The following RASSF7 variants were observed in gnomAD, a reference collection of about 807,000 sequenced individuals.
RASSF7 encodes the protein ras association domain-containing protein 7.
RASSF7 carries 41 observed loss-of-function variants against 33.8 expected under a neutral mutation model. That is an observed-to-expected ratio of 1.21 (90% confidence interval 0.95 to 1.57). The LOEUF (loss-of-function observed/expected upper bound fraction) is 1.57, where lower values mean the gene tolerates loss of function less well. RASSF7 is among the 40% of genes most tolerant of loss of function. RASSF7 has a pLI of 0.00. For missense variants in RASSF7, 622 were observed against 497.0 expected (o/e 1.25, Z -2.39); for synonymous variants, 298 against 212.8 (o/e 1.40, Z -3.48).
rs754720196 is a variant in RASSF7, at chr11:562,301, C to T, written c.347C>T (p.Pro116Leu). ...ATTCGTGCCAGCCTCCCTGTAAAGC[C>T]ACGGGCTGCGCTGGGCTGTGAGCCC... ...CLIRASLPVK[P>L]RAALGCEPRK... Residue 116 changes from proline to leucine, a missense_variant, in exon 3 of 6, where the codon CCA becomes CTA. Physicochemically the swap from Pro to Leu is moderately conservative, Grantham distance 98. Coordinates refer to ENST00000397583, the MANE Select transcript of RASSF7 (RefSeq NM_003475.4). 5.0e-6 allele frequency: 8 copies of T among 1,612,556 alleles called. No homozygotes were observed. The highest frequency in any genetic ancestry group is 6.8e-6 in the Non-Finnish European group (8 of 1,179,930).
rs570136957 is a variant in RASSF7, at chr11:562,534, C to T, written c.580C>T (p.Gln194Ter). 2.6e-6 allele frequency: 4 copies of T among 1,548,490 alleles called. No homozygotes were observed. Among genetic ancestry groups the T allele is most frequent in the Non-Finnish European group, 1.7e-6 (2 of 1,146,846 alleles). ...GGAGCGAGAGGGACAGGCACGCCTG[C>T]AGGCACTAAGTGCGGCCACTGCTGA... ...AREREGQARL[Q>*]ALSAATAEHA... is the part of the protein sequence containing the mutation. The change falls in exon 3 of 6, where the codon CAG becomes TAG. Residue 194 changes from glutamine to a stop codon, truncating the protein, a stop_gained. Coordinates refer to ENST00000397583, the MANE Select transcript of RASSF7 (RefSeq NM_003475.4). LOFTEE classifies it high-confidence loss of function.
Position 561,133 on chromosome 11 carries a change from C to T in RASSF7, c.-352C>T. Reference sequence around the variant, plus strand: ...GGGAGAGTTTTCCGCGATGCCCGGACGGAGAGCGGGGGCGGCGCCGCACCT... The same window carrying T: ...GGGAGAGTTTTCCGCGATGCCCGGATGGAGAGCGGGGGCGGCGCCGCACCT... On this transcript the variant is annotated 5_prime_UTR_variant, in exon 1 of 6. It adds an upstream start codon to the 5' untranslated region. Transcript: ENST00000397583. 1 of 984,924 alleles carries T rather than the reference C, an allele frequency of 1.0e-6. No homozygotes were observed. The highest frequency in any genetic ancestry group is 1.2e-6 in the Non-Finnish European group (1 of 829,818). The allele number at this position is 984,924 out of a possible 1,614,324, so 61.0% of individuals were successfully genotyped here. A position where few individuals can be genotyped will look rare whatever the true frequency, so the allele number is the denominator to read the frequency against.
At position 563,654 on chromosome 11, in the gene RASSF7, T is replaced by C; in HGVS notation, c.*9T>C. ...AGCCCCAGGCTCTGTGACAGCCTAG[T>C]GAGGGCTGCAAGACCATCCTGCCCG... On this transcript the variant is annotated 3_prime_UTR_variant, in exon 6 of 6. Coordinates refer to ENST00000397583, the MANE Select transcript of RASSF7 (RefSeq NM_003475.4). 6.2e-7 allele frequency: 1 copy of C among 1,604,212 alleles called. No individual in the cohort carries two copies. The highest frequency in any genetic ancestry group is 8.5e-7 in the Non-Finnish European group (1 of 1,177,592).
rs1367217996 is a variant in RASSF7 at position 563,440 on chromosome 11, C to G, written c.996C>G (p.Pro332=). The change falls in exon 5 of 6, where the codon CCC becomes CCG. Residue 332 remains proline, a synonymous_variant. Transcript: ENST00000397583. ...PAREESLLGA[P]SESHAGAQPR... ...GAGAGGAGTCCCTCCTGGGCGCTCC[C>G]TCTGAGTCCCATGCTGGTGCCCAGC... 3 of 1,611,748 alleles carry G rather than the reference C, an allele frequency of 1.9e-6. No individual in the cohort carries two copies. The highest frequency in any genetic ancestry group is 2.2e-5 in the East Asian group (1 of 44,828).
Position 563,462 on chromosome 11 carries a change from C to A in RASSF7, c.1018C>A (p.Gln340Lys). The A allele has an allele frequency of 6.2e-7, 1 of 1,611,050 alleles. No homozygotes were observed. Among genetic ancestry groups the A allele is most frequent in the East Asian group, 2.2e-5 (1 of 44,818 alleles). The change falls in exon 5 of 6, where the codon CAG becomes AAG. Residue 340 changes from glutamine to lysine, a missense_variant. By Grantham distance (53) the Gln-to-Lys change is moderately conservative. Transcript: ENST00000397583. ...TCCCTCTGAGTCCCATGCTGGTGCC[C>A]AGCCTAGGCCCCGAGGGTATGTCTG... Reference protein sequence around the residue: ...GAPSESHAGAQPRPRGGPHDA... With the variant: ...GAPSESHAGAKPRPRGGPHDA...
At chr11:561,705 A>G in intron 1 of RASSF7, 57 bp from the exon 2 acceptor site, 4 of 1,605,878 alleles carry the variant, frequency 2.5e-6, no homozygotes, top group East Asian at 2.2e-5. Flanking sequence ...GGAGAGGAGG[A>G]CCAGCCTGCG....
At position 562,424 on chromosome 11, in the gene RASSF7, G is replaced by T. The variant is rs528974630; in HGVS notation, c.470G>T (p.Gly157Val). 6.4e-7 allele frequency: 1 copy of T among 1,555,532 alleles called. No individual in the cohort carries two copies. The change falls in exon 3 of 6, where the codon GGC (glycine) becomes GTC (valine). Residue 157 changes from glycine to valine, a missense_variant. Transcript: ENST00000397583. ...PTPGCCTDLR[G>V]LELRVQRNAE... ...CCAGGCTGCTGCACAGACCTGCGGG[G>T]CCTGGAGCTCAGGGTGCAGAGGAAT...
Position 561,249 on chromosome 11 carries a change from T to C in RASSF7, c.-236T>C. On this transcript the variant is annotated 5_prime_UTR_variant, in exon 1 of 6. Transcript: ENST00000397583. ...GTGCCCGCGGCGGGGACCGGGACTT[T>C]CGGGGCGAGCGCAGCGATTAGGCGG... is the stretch of plus-strand genomic sequence containing the variant. The C allele has an allele frequency of 2.0e-6, 2 of 985,330 alleles. No homozygotes were observed. The highest frequency in any genetic ancestry group is 2.4e-6 in the Non-Finnish European group (2 of 829,912). 61.0% of individuals were successfully genotyped at this position (985,330 alleles called of 1,614,324 possible).
At position 563,793 on chromosome 11, in the gene RASSF7, A is replaced by T. The variant is rs1334570800; in HGVS notation, c.*148A>T. 1.3e-6 allele frequency: 1 copy of T among 743,586 alleles called. No homozygotes were observed. Among genetic ancestry groups the T allele is most frequent in the Non-Finnish European group, 2.1e-6 (1 of 466,882 alleles). 46.1% of individuals were successfully genotyped at this position (743,586 alleles called of 1,614,324 possible). ...GTGGGGGACTGCCCTAGTCCTTGCC[A>T]GGTCGCCAGCACCCTGGAGAAGCAT... On this transcript the variant is annotated 3_prime_UTR_variant, in exon 6 of 6. Coordinates refer to ENST00000397583, the MANE Select transcript of RASSF7 (RefSeq NM_003475.4).
rs373449348 is a variant in RASSF7 at position 561,763 on chromosome 11, A to C, written c.-6A>C. On this transcript the variant is annotated splice_region_variant and 5_prime_UTR_variant, in exon 2 of 6. Transcript: ENST00000397583. ...CCGGTGCCTGCGCCCTCCCCACAGG[A>C]CAGGCATGTTGTTGGGACTGGCGGC... 4.3e-6 allele frequency: 7 copies of C among 1,613,362 alleles called. No individual in the cohort carries two copies. The highest frequency in any genetic ancestry group is 5.9e-6 in the Non-Finnish European group (7 of 1,179,998).
chr11:561,216 G>C lies in RASSF7; in HGVS notation c.-269G>C. On this transcript the variant is annotated 5_prime_UTR_variant, in exon 1 of 6. Coordinates refer to ENST00000397583, the MANE Select transcript of RASSF7 (RefSeq NM_003475.4). ...TCCCGCCAGGCTGGGGTCGCGGCGC[G>C]GGCTTCGGTGCCCGCGGCGGGGACC... is the stretch of plus-strand genomic sequence containing the variant. The C allele has an allele frequency of 1.0e-6, 1 of 985,152 alleles. No individual in the cohort carries two copies. The allele number at this position is 985,152 out of a possible 1,614,324, so 61.0% of individuals were successfully genotyped here. A position where few individuals can be genotyped will look rare whatever the true frequency, so the allele number is the denominator to read the frequency against.
intron 3 of RASSF7, 107 bp downstream of exon 3, chr11:562,883 C>A (rs1853403911): frequency 3.2e-6 from 3 of 939,394 alleles, no homozygotes; most frequent in Non-Finnish European, 4.6e-6. Context: ...GGACCTGATC[C>A]CCTGTCACTC....
intron 5 of RASSF7, 23 bp from the exon 6 acceptor site, chr11:563,535 C>T (rs1401349400): frequency 1.6e-5 from 25 of 1,611,052 alleles, no homozygotes; most frequent in Non-Finnish European, 2.1e-5. Context: ...GCTGCAGCCA[C>T]CTCAGCCTGT....
rs1417627644 is a variant in RASSF7, at chr11:562,230, T to C, written c.276T>C (p.Ala92=). 6.2e-7 allele frequency: 1 copy of C among 1,611,850 alleles called. No homozygotes were observed. The highest frequency in any genetic ancestry group is 8.5e-7 in the Non-Finnish European group (1 of 1,179,500). ...FVLRRTGPSL[A]GRPSSDSCPP... ...TGAGGCGCACAGGGCCCAGCCTAGC[T>C]GGGAGGCCCTCCTCAGACAGCTGTC... The change falls in exon 3 of 6, where the codon GCT becomes GCC. Residue 92 remains alanine, a synonymous_variant. Transcript: ENST00000397583.
Position 563,478 on chromosome 11 carries a change from G to GGTAT in RASSF7, c.1034+3_1034+6dup. 6.2e-7 allele frequency: 1 copy of GGTAT among 1,610,468 alleles called. No homozygotes were observed. Among genetic ancestry groups the GGTAT allele is most frequent in the South Asian group, 1.1e-5 (1 of 90,820 alleles). ...GCTGGTGCCCAGCCTAGGCCCCGAG[G>GGTAT]GTATGTCTGTGCCCCACCTCCCCCT... On this transcript the variant is annotated frameshift_variant and splice_region_variant. Coordinates refer to ENST00000397583, the MANE Select transcript of RASSF7 (RefSeq NM_003475.4). LOFTEE classifies it high-confidence loss of function.
chr11:562,088 G>C lies in RASSF7; in HGVS notation c.134G>C (p.Gly45Ala). Residue 45 changes from glycine (G) to alanine (A), a missense_variant, in exon 3 of 6, where the codon GGC (glycine) becomes GCC (alanine). Coordinates refer to ENST00000397583, the MANE Select transcript of RASSF7 (RefSeq NM_003475.4). ...IALAQAIGQT[G>A]RFVLVQRLRE... ...CTCCTCTTCTTCCCAGGCCAGACTGGCCGCTTTGTGCTTGTGCAGCGGCTT... is the reference window on the plus strand; with the variant it reads ...CTCCTCTTCTTCCCAGGCCAGACTGCCCGCTTTGTGCTTGTGCAGCGGCTT... 2 of 1,516,986 alleles carry C rather than the reference G, an allele frequency of 1.3e-6. No homozygotes were observed. Among genetic ancestry groups the C allele is most frequent in the Non-Finnish European group, 1.8e-6 (2 of 1,131,628 alleles). 94.0% of individuals were successfully genotyped at this position (1,516,986 alleles called of 1,614,324 possible).
chr11:563,045 G>A, intron 3 of RASSF7, 144 bp from the exon 4 acceptor site: 1 of 819,822 alleles, frequency 1.2e-6, no homozygotes, highest in Non-Finnish European at 1.9e-6. Context: ...GTGAGCCCGG[G>A]GACCTGATCC....
In RASSF7 at chr11:563,489, G is replaced by C. The variant is rs201007942; in HGVS notation, c.1034+11G>C. 5.3e-5 allele frequency: 85 copies of C among 1,609,768 alleles called. No individual in the cohort carries two copies. Among genetic ancestry groups the C allele is most frequent in the Non-Finnish European group, 6.1e-5 (72 of 1,179,024 alleles). On this transcript the variant is annotated intron_variant, in intron 5 of 5. Transcript: ENST00000397583. ...GCCTAGGCCCCGAGGGTATGTCTGT[G>C]CCCCACCTCCCCCTGGGGCACCGGG...
At position 562,131 on chromosome 11, in the gene RASSF7, G is replaced by A. The variant is rs1853354245; in HGVS notation, c.177G>A (p.Gln59=). ...LVQRLREKER[Q]LLPQECPVGA... ...AGCGGCTTCGGGAGAAGGAGCGGCA[G>A]TTGCTGCCACAAGAGTGTCCAGTGG... The change falls in exon 3 of 6, where the codon CAG becomes CAA. Residue 59 remains glutamine (Q), a synonymous_variant. Transcript: ENST00000397583. 3 of 1,542,854 alleles carry A rather than the reference G, an allele frequency of 1.9e-6. No individual in the cohort carries two copies. Among genetic ancestry groups the A allele is most frequent in the Non-Finnish European group, 1.7e-6 (2 of 1,145,108 alleles).
Sources: allele counts gnomAD v4.1 joint callset, GRCh38; gene constraint gnomAD v4.1.1; transcripts MANE v1.5; gene names NCBI Gene and HGNC (gene_info 2026-07-23, HGNC 2026-07-21).